BTBD9: variants seen among roughly 807,000 people sequenced by gnomAD.
The protein encoded by BTBD9 is BTB domain containing 9.
In BTBD9, 49 loss-of-function variants were observed where a neutral mutation model predicts 64.3. The ratio of observed to expected loss-of-function variants is 0.76; its 90% CI spans 0.61 to 0.97. The LOEUF is 0.97. Ranked by LOEUF, BTBD9 falls within the 50% of genes least tolerant of loss-of-function variation. The probability of loss-of-function intolerance (pLI) is 0.00; values close to 1 mark genes in which losing one functional copy is unlikely to be tolerated. For missense variants in BTBD9, 598 were observed against 762.1 expected (o/e 0.78, Z 2.53); for synonymous variants, 260 against 274.7 (o/e 0.95, Z 0.53).
intron 6 of BTBD9, among the ~76,000 whole-genome samples, chr6:38,507,606 C>T (rs934430411): frequency 7.2e-5 from 11 of 152,156 alleles, no homozygotes; most frequent in African/African-American, 2.7e-4. Flanking sequence ...ATCACTCTTT[C>T]CTTCTCAAAA....
chr6:38,490,685 T>C (rs116624349), intron 6 of BTBD9, among the ~76,000 whole-genome samples: 1 of 152,156 alleles, frequency 6.6e-6, no homozygotes, highest in African/African-American at 2.4e-5. Context: ...GTGCTAGATG[T>C]TCCAGGCTAG....
intron 9 of BTBD9, among the ~76,000 whole-genome samples, chr6:38,243,038 T>A (rs1764059249): frequency 1.3e-5 from 2 of 151,320 alleles, no homozygotes; most frequent in African/African-American, 4.9e-5. Flanking sequence ...TTTGGCTGGG[T>A]CTTGAAGGGA....
intron 10 of BTBD9, 69 bp from the exon 11 acceptor site, chr6:38,175,251 G>A (rs927397015): frequency 1.3e-6 from 2 of 1,535,586 alleles, no homozygotes; most frequent in African/African-American, 1.4e-5. Context: ...GCCGCAAGTT[G>A]GGATACTGCC....
chr6:38,442,661 C>CTTTTTTTTTTT (rs11313452), intron 6 of BTBD9, among the ~76,000 whole-genome samples: 2 of 57,536 alleles, frequency 3.5e-5, no homozygotes, highest in Non-Finnish European at 6.1e-5. Context: ...CATTTGTACT[C>CTTTTTTTTTTT]TTTTTTTTTT....
At chr6:38,331,565 A>C (rs186700966) in intron 7 of BTBD9, among the ~76,000 whole-genome samples, 284 of 152,304 alleles carry the variant, frequency 1.9e-3, no homozygotes, top group Non-Finnish European at 2.4e-3. Context: ...AAATACAAAA[A>C]CATTTTATTT....
chr6:38,201,464 T>C (rs923498565), intron 9 of BTBD9, among the ~76,000 whole-genome samples: 1 of 152,198 alleles, frequency 6.6e-6, no homozygotes, highest in African/African-American at 2.4e-5. Context: ...AAGCCATCTA[T>C]GACAAACCCA....
intron 4 of BTBD9, among the ~76,000 whole-genome samples, chr6:38,589,441 T>TTA (rs1199333673): frequency 2.6e-5 from 4 of 152,150 alleles, no homozygotes; most frequent in Non-Finnish European, 4.4e-5. Context: ...GGAAAGGAAC[T>TTA]TATATAAGAC....
At chr6:38,356,175 T>C (rs1264435397) in intron 6 of BTBD9, among the ~76,000 whole-genome samples, 1 of 152,126 alleles carries the variant, frequency 6.6e-6, no homozygotes, top group Non-Finnish European at 1.5e-5. Context: ...TTCATGACAA[T>C]GATGACGTGA....
At chr6:38,615,868 A>G (rs1039198553) in intron 1 of BTBD9, among the ~76,000 whole-genome samples, 17 of 152,224 alleles carry the variant, frequency 1.1e-4, no homozygotes, top group African/African-American at 3.9e-4. Context: ...GACAGTGAAG[A>G]GTTACACATA....
chr6:38,252,120 G>C (rs1764423292), intron 9 of BTBD9, among the ~76,000 whole-genome samples: 1 of 152,106 alleles, frequency 6.6e-6, no homozygotes, highest in African/African-American at 2.4e-5. Context: ...CCCACTCCTG[G>C]AGCAGAGAGA....
At chr6:38,527,977 C>A (rs982025242) in intron 6 of BTBD9, among the ~76,000 whole-genome samples, 1 of 151,978 alleles carries the variant, frequency 6.6e-6, no homozygotes, top group African/African-American at 2.4e-5. Flanking sequence ...GGTAAGTGAT[C>A]ATAATAATAT....
chr6:38,608,319 G>A (rs1777496969), intron 1 of BTBD9, among the ~76,000 whole-genome samples: 1 of 152,074 alleles, frequency 6.6e-6, no homozygotes, highest in South Asian at 2.1e-4. Flanking sequence ...TCTGGGAGCA[G>A]AAAAATATAT....
At chr6:38,270,385 T>C (rs749574759) in intron 8 of BTBD9, among the ~76,000 whole-genome samples, 3 of 141,912 alleles carry the variant, frequency 2.1e-5, no homozygotes, top group East Asian at 4.5e-4. Context: ...TTCAGGAAGG[T>C]AGAGACAAAA....
intron 7 of BTBD9, among the ~76,000 whole-genome samples, chr6:38,326,753 A>G (rs1582234723): frequency 7.2e-6 from 1 of 138,472 alleles, no homozygotes; most frequent in East Asian, 2.3e-4. Flanking sequence ...TCAAAGAATC[A>G]CTGCAAAAAA....
chr6:38,621,788 A>T (rs1160457735), intron 1 of BTBD9, among the ~76,000 whole-genome samples: 4 of 152,214 alleles, frequency 2.6e-5, no homozygotes, highest in Non-Finnish European at 4.4e-5. Context: ...CAAAGCCATC[A>T]AAAAGGTGAA....
intron 6 of BTBD9, among the ~76,000 whole-genome samples, chr6:38,397,797 G>C (rs185236696): frequency 3.3e-5 from 5 of 152,348 alleles, no homozygotes; most frequent in Admixed American, 2.6e-4. Context: ...GACAGTGATA[G>C]ATAGGGCTGA....
chr6:38,356,562 C>T (rs1764736304), intron 6 of BTBD9, among the ~76,000 whole-genome samples: 1 of 152,142 alleles, frequency 6.6e-6, no homozygotes, highest in African/African-American at 2.4e-5. Context: ...ATATGTACCT[C>T]AATCTCTTTA....
At chr6:38,276,581 T>C (rs569755204) in intron 8 of BTBD9, among the ~76,000 whole-genome samples, 1 of 152,232 alleles carries the variant, frequency 6.6e-6, no homozygotes, top group African/African-American at 2.4e-5. Context: ...AGATTTAAAA[T>C]TGTCGTATTG....
intron 6 of BTBD9, among the ~76,000 whole-genome samples, chr6:38,421,237 T>C (rs1295428894): frequency 2.0e-5 from 3 of 152,080 alleles, no homozygotes; most frequent in African/African-American, 7.2e-5. Context: ...GTGCCTGTAA[T>C]CCCAGCTATT....
Sources: allele counts gnomAD v4.1 joint callset (sites outside exome capture counted in the v4.1 genomes callset), GRCh38; gene constraint gnomAD v4.1.1; transcripts MANE v1.5; gene names NCBI Gene and HGNC (gene_info 2026-07-23, HGNC 2026-07-21).